The following PTPRD variants were observed in gnomAD, a reference collection of about 807,000 sequenced individuals.
The protein encoded by PTPRD is receptor-type tyrosine-protein phosphatase delta.
PTPRD carries 34 observed loss-of-function variants against 214.5 expected under a neutral mutation model. The observed-to-expected ratio is 0.16, with a 90% CI of 0.12 to 0.21. The LOEUF (loss-of-function observed/expected upper bound fraction) is 0.21, where lower values mean the gene tolerates loss of function less well. Among genes scored for constraint, PTPRD ranks in the 10% least tolerant of loss-of-function variants. The pLI, the probability that PTPRD is intolerant of heterozygous loss-of-function variation, is 1.00. For synonymous variants in PTPRD, 1,128 were observed against 845.7 expected, an observed-to-expected ratio of 1.33 and a Z score of -5.79; for missense variants, 2,545 against 2,398.7, an observed-to-expected ratio of 1.06 and a Z score of -1.27.
At chr9:9,153,100 G>A (rs914846325) in intron 10 of PTPRD, among the ~76,000 whole-genome samples, 3 of 152,128 alleles carry the variant, frequency 2.0e-5, no homozygotes, top group African/African-American at 7.2e-5. Context: ...GTTAGGAGGG[G>A]CACTGACCCT....
chr9:8,417,366 A>T (rs1044876231), intron 35 of PTPRD, among the ~76,000 whole-genome samples: 6 of 152,182 alleles, frequency 3.9e-5, no homozygotes, highest in Non-Finnish European at 8.8e-5. Flanking sequence ...AAGCTGATGC[A>T]CATTCATTCC....
chr9:9,268,458 T>A (rs536696216), intron 9 of PTPRD, among the ~76,000 whole-genome samples: 23 of 151,326 alleles, frequency 1.5e-4, no homozygotes, highest in African/African-American at 5.1e-4. Context: ...ACAGATTTAA[T>A]GCATTTTTTT....
intron 2 of PTPRD, among the ~76,000 whole-genome samples, chr9:10,484,961 A>C (rs36059303): frequency 0.12 from 17,746 of 151,924 alleles, 1,374 homozygotes; most frequent in Non-Finnish European, 0.17. Context: ...GAGTTTCTCT[A>C]ATGTTTTCTT....
rs1047158371 is a variant in PTPRD, at chr9:8,780,556, G to C, written c.-103-46610C>G. ...AGAAGTCTAACAAAAAATGTCCATG[G>C]TAGTTTCTGCCAAGCCAAGGTGCTT... is the stretch of plus-strand genomic sequence containing the variant. On this transcript the variant is annotated intron_variant, in intron 11 of 45. Coordinates refer to ENST00000381196, the MANE Select transcript of PTPRD (RefSeq NM_002839.4). 7.2e-5 allele frequency among the ~76,000 whole-genome samples: 11 copies of C among 152,138 alleles called. No homozygotes were observed. In the East Asian group the frequency reaches 2.1e-3, roughly 29 times the overall value.
At chr9:10,279,812 C>T (rs144678968) in intron 3 of PTPRD, among the ~76,000 whole-genome samples, 40 of 152,148 alleles carry the variant, frequency 2.6e-4, no homozygotes, top group African/African-American at 9.6e-4. Flanking sequence ...GGGTAATCTG[C>T]CATGAGTAGT....
At chr9:9,110,705 C>CACAG (rs1165822773) in intron 10 of PTPRD, among the ~76,000 whole-genome samples, 4 of 152,100 alleles carry the variant, frequency 2.6e-5, no homozygotes, top group Non-Finnish European at 5.9e-5. Flanking sequence ...GCCCACAGAC[C>CACAG]ACCATCAACT....
At chr9:10,473,380 C>T (rs16926062) in intron 2 of PTPRD, among the ~76,000 whole-genome samples, 6,899 of 152,116 alleles carry the variant, frequency 0.045, 467 homozygotes, top group African/African-American at 0.15. Flanking sequence ...TGTCTGGATA[C>T]TAGCATGTCT....
intron 2 of PTPRD, among the ~76,000 whole-genome samples, chr9:10,426,312 C>CT (rs1219339744): frequency 2.0e-5 from 3 of 151,774 alleles, no homozygotes. Flanking sequence ...CTCTGAGTTA[C>CT]TTTTTTTTCC....
chr9:9,523,299 T>C (rs1003838832), intron 8 of PTPRD, among the ~76,000 whole-genome samples: 4 of 152,152 alleles, frequency 2.6e-5, no homozygotes, highest in East Asian at 1.9e-4. Context: ...CTGTACACTA[T>C]TGGAAAAAGC....
chr9:10,454,818 C>G (rs1349849747), intron 2 of PTPRD, among the ~76,000 whole-genome samples: 1 of 151,728 alleles, frequency 6.6e-6, no homozygotes, highest in East Asian at 1.9e-4. Context: ...TTTACACACA[C>G]ACACACACAC....
In PTPRD at chr9:10,189,609, C is replaced by T. The variant is rs76339121; in HGVS notation, c.-545+151354G>A. 1.7e-3 allele frequency among the ~76,000 whole-genome samples: 263 copies of T among 152,114 alleles called. 2 individuals are homozygous for T. Among genetic ancestry groups the T allele is most frequent in the African/African-American group, 6.2e-3 (257 of 41,474 alleles). On this transcript the variant is annotated intron_variant, in intron 3 of 45. Transcript: ENST00000381196. ...AATTTGTAGCATGTTTTGCAATGTT[C>T]CACAACATGCAGCAGGACAAACAGG...
At chr9:9,607,364 G>T (rs1171267975) in intron 7 of PTPRD, among the ~76,000 whole-genome samples, 2 of 152,092 alleles carry the variant, frequency 1.3e-5, no homozygotes, top group African/African-American at 4.8e-5. Flanking sequence ...TTCATACTAT[G>T]CACTGGACAC....
intron 9 of PTPRD, among the ~76,000 whole-genome samples, chr9:9,316,820 C>G (rs905535014): frequency 6.6e-6 from 1 of 152,212 alleles, no homozygotes; most frequent in African/African-American, 2.4e-5. Flanking sequence ...CCTGGGACTA[C>G]GTGGTAATTC....
rs113495221 is a variant in PTPRD at position 9,585,366 on chromosome 9, C to T, written c.-286-10585G>A. ...TTGTACTTAGACACTTGGTTGAAAT[C>T]TTCATCTTTACAAGTTTCATCTTCA... is the stretch of plus-strand genomic sequence containing the variant. On this transcript the variant is annotated intron_variant, in intron 7 of 45. Coordinates refer to ENST00000381196, the MANE Select transcript of PTPRD (RefSeq NM_002839.4). Among the ~76,000 whole-genome samples the T allele has an allele frequency of 5.4e-3, 819 of 152,180 alleles. 4 individuals carry two copies. The highest frequency in any genetic ancestry group is 0.01 in the Middle Eastern group (3 of 294).
At chr9:10,082,177 T>G (rs1351781813) in intron 3 of PTPRD, among the ~76,000 whole-genome samples, 2 of 152,236 alleles carry the variant, frequency 1.3e-5, no homozygotes, top group Middle Eastern at 3.4e-3. Context: ...CAAATCTACT[T>G]TCCTGGAATC....
intron 34 of PTPRD, among the ~76,000 whole-genome samples, chr9:8,440,780 G>C (rs1318541868): frequency 1.3e-5 from 2 of 152,168 alleles, no homozygotes; most frequent in Non-Finnish European, 2.9e-5. Context: ...GTACATATTG[G>C]TGAGACTGAT....
intron 11 of PTPRD, among the ~76,000 whole-genome samples, chr9:8,941,839 C>A (rs1293645597): frequency 6.6e-6 from 1 of 152,194 alleles, no homozygotes; most frequent in African/African-American, 2.4e-5. Flanking sequence ...GAGTTACACT[C>A]TTTTTGCCTA....
intron 14 of PTPRD, among the ~76,000 whole-genome samples, chr9:8,580,402 C>G (rs1041507748): frequency 1.3e-5 from 2 of 152,184 alleles, no homozygotes; most frequent in East Asian, 1.9e-4. Context: ...AATTAAGTTT[C>G]TCTTGTAGAA....
intron 5 of PTPRD, among the ~76,000 whole-genome samples, chr9:9,785,582 G>T (rs980732015): frequency 3.9e-5 from 6 of 151,962 alleles, no homozygotes; most frequent in Non-Finnish European, 5.9e-5. Context: ...TCAAGATAAT[G>T]AAAGATAAAG....
Sources: allele counts gnomAD v4.1 joint callset (sites outside exome capture counted in the v4.1 genomes callset), GRCh38; gene constraint gnomAD v4.1.1; transcripts MANE v1.5; gene names NCBI Gene and HGNC (gene_info 2026-07-23, HGNC 2026-07-21).